The following IL1RAPL2 variants were observed in gnomAD, a reference collection of about 807,000 sequenced individuals.
IL1RAPL2 encodes the protein X-linked interleukin-1 receptor accessory protein-like 2.
In IL1RAPL2, 3 loss-of-function variants were observed where a neutral mutation model predicts 44.1. The ratio of observed to expected loss-of-function variants is 0.07; its 90% CI spans 0.03 to 0.18. The LOEUF (loss-of-function observed/expected upper bound fraction) is 0.18, where lower values mean the gene tolerates loss of function less well. IL1RAPL2 is among the 10% of genes least tolerant of loss of function. The pLI, the probability that IL1RAPL2 is intolerant of heterozygous loss-of-function variation, is 1.00. For synonymous variants in IL1RAPL2, 181 were observed against 178.8 expected (o/e 1.01, Z -0.10); for missense variants, 391 against 496.4 (o/e 0.79, Z 2.02).
At chrX:105,100,018 C>T (rs879248228) in intron 2 of IL1RAPL2, among the ~76,000 whole-genome samples, 4 of 111,098 alleles carry the variant, frequency 3.6e-5, no homozygotes, top group Non-Finnish European at 7.5e-5. Context: ...ATTCATGGTA[C>T]AGTACAATAA....
intron 1 of IL1RAPL2, among the ~76,000 whole-genome samples, chrX:104,582,715 TTCTTTCTC>T (rs1179707839): frequency 1.0e-5 from 1 of 95,961 alleles, no homozygotes; most frequent in African/African-American, 4.0e-5. Flanking sequence ...CTTTATTTCT[TTCTTTCTC>T]TCTCTCTCCC....
chrX:105,653,943 TTG>T (rs956918547), intron 6 of IL1RAPL2, among the ~76,000 whole-genome samples: 2 of 110,282 alleles, frequency 1.8e-5, no homozygotes, highest in African/African-American at 6.6e-5. Context: ...CAAAGTGTGG[TTG>T]TGTGTGTGTG....
intron 1 of IL1RAPL2, among the ~76,000 whole-genome samples, chrX:104,610,861 C>T (rs1929139964): frequency 8.9e-6 from 1 of 111,981 alleles, no homozygotes; most frequent in Admixed American, 9.5e-5. Flanking sequence ...AGGCATCACG[C>T]TACCTAACTT....
rs2035966484 is a variant in IL1RAPL2, at chrX:105,447,178, TATAAATATAA to T, written c.698-37131_698-37122del. On this transcript the variant is annotated intron_variant, in intron 5 of 10. Transcript: ENST00000372582. ...AAATATAAATATATATAAATATATA[TATAAATATAA>T]ATATATATAAATATATATAAATATA... Among the ~76,000 whole-genome samples the T allele has an allele frequency of 5.5e-3, 156 of 28,266 alleles. 6 individuals are homozygous for T. Among genetic ancestry groups the T allele is most frequent in the African/African-American group, 0.04 (143 of 3,563 alleles). The allele number at this position is 28,266 out of a possible 115,157, so 24.5% of individuals were successfully genotyped here. A position where few individuals can be genotyped will look rare whatever the true frequency, so the allele number is the denominator to read the frequency against.
chrX:105,090,611 A>C (rs74937184), intron 2 of IL1RAPL2, among the ~76,000 whole-genome samples: 1 of 112,272 alleles, frequency 8.9e-6, no homozygotes, highest in African/African-American at 3.2e-5. Context: ...GGTTACCTCA[A>C]CTTCTCTTAG....
At chrX:105,286,982 C>T (rs2034577139) in intron 5 of IL1RAPL2, among the ~76,000 whole-genome samples, 1 of 111,798 alleles carries the variant, frequency 8.9e-6, no homozygotes, top group East Asian at 2.8e-4. Flanking sequence ...ATATGATAAG[C>T]GTTGTGCTAA....
intron 2 of IL1RAPL2, among the ~76,000 whole-genome samples, chrX:105,012,922 C>T (rs1442687782): frequency 9.1e-6 from 1 of 109,974 alleles, no homozygotes; most frequent in Non-Finnish European, 1.9e-5. Context: ...TATCAGTGTG[C>T]CAAGTGAAAA....
chrX:105,276,933 C>T (rs1382741561), intron 5 of IL1RAPL2, among the ~76,000 whole-genome samples: 1 of 111,637 alleles, frequency 9.0e-6, no homozygotes, highest in Non-Finnish European at 1.9e-5. Flanking sequence ...GTAGACTAGT[C>T]GATCCAACAA....
intron 6 of IL1RAPL2, among the ~76,000 whole-genome samples, chrX:105,554,100 A>G (rs1302589404): frequency 8.9e-6 from 1 of 112,378 alleles, no homozygotes; most frequent in Non-Finnish European, 1.9e-5. Context: ...TCCAGGGCCT[A>G]TTCATATTTC....
chrX:105,733,536 T>A (rs1179247844), intron 7 of IL1RAPL2, among the ~76,000 whole-genome samples: 1 of 111,526 alleles, frequency 9.0e-6, no homozygotes. Flanking sequence ...TCTTGGACAT[T>A]TTTTACATTA....
chrX:105,028,184 T>C (rs1425132048), intron 2 of IL1RAPL2, among the ~76,000 whole-genome samples: 1 of 109,876 alleles, frequency 9.1e-6, no homozygotes. Flanking sequence ...CTGGGAAGGG[T>C]GGTGGAGAGC....
rs2037693045 is a variant in IL1RAPL2, at chrX:105,658,561, A to C, written c.773-58806A>C. Among the ~76,000 whole-genome samples, 4 of 111,774 alleles carry C rather than the reference A, an allele frequency of 3.6e-5. No individual in the cohort carries two copies. The Admixed American group carries it at 3.8e-4, about 11-fold the overall frequency. On this transcript the variant is annotated intron_variant, in intron 6 of 10. Transcript: ENST00000372582. ...CCCCAGAGGATAGGCACAGTGGCTC[A>C]CACCTGTAATCCCAGCAATTTGGGA... is the stretch of plus-strand genomic sequence containing the variant.
rs1232963511 is a variant in IL1RAPL2, at chrX:105,122,656, A to C, written c.83-72819A>C. ...ATAATACATGGTATCTTATTTATAA[A>C]TAAAAATCCAGATGGAATTTCTTAG... is the stretch of plus-strand genomic sequence containing the variant. On this transcript the variant is annotated intron_variant, in intron 2 of 10. Coordinates refer to ENST00000372582, the MANE Select transcript of IL1RAPL2 (RefSeq NM_017416.2). Among the ~76,000 whole-genome samples, 3 of 111,986 alleles carry C rather than the reference A, an allele frequency of 2.7e-5. No individual in the cohort carries two copies. The Admixed American group carries it at 2.8e-4, about 11-fold the overall frequency.
At chrX:105,125,422 A>C (rs1268801056) in intron 2 of IL1RAPL2, among the ~76,000 whole-genome samples, 1 of 110,617 alleles carries the variant, frequency 9.0e-6, no homozygotes, top group African/African-American at 3.3e-5. Context: ...TCACGTGCTA[A>C]CTCTTTACTA....
intron 2 of IL1RAPL2, among the ~76,000 whole-genome samples, chrX:105,189,666 A>T (rs1451638413): frequency 8.9e-6 from 1 of 112,251 alleles, no homozygotes; most frequent in Non-Finnish European, 1.9e-5. Flanking sequence ...CGTCAAGAAC[A>T]TGAATTATTA....
chrX:105,269,500 T>A (rs927317481), intron 5 of IL1RAPL2, among the ~76,000 whole-genome samples: 3 of 111,613 alleles, frequency 2.7e-5, no homozygotes, highest in Non-Finnish European at 5.6e-5. Context: ...TCTATGAAAG[T>A]TTAAAAATTC....
intron 2 of IL1RAPL2, among the ~76,000 whole-genome samples, chrX:104,831,482 G>T (rs192324482): frequency 9.0e-6 from 1 of 111,550 alleles, no homozygotes; most frequent in African/African-American, 3.2e-5. Flanking sequence ...GGGAGGTTAA[G>T]TAACTTGCCC....
rs762347903 is a variant in IL1RAPL2, at chrX:105,645,091, GA to G, written c.773-72273del. The stretch of plus-strand genomic sequence containing the variant: ...CTTTTCCATCACACCTGTAGCTTCA[GA>G]AACAATTCTCAGGTTTGATGTTTGT... On this transcript the variant is annotated intron_variant, in intron 6 of 10. Transcript: ENST00000372582. 3.6e-5 allele frequency among the ~76,000 whole-genome samples: 4 copies of G among 111,941 alleles called. No individual in the cohort carries two copies. The South Asian group carries it at 1.5e-3, about 42-fold the overall frequency.
intron 5 of IL1RAPL2, among the ~76,000 whole-genome samples, chrX:105,482,080 T>C (rs1257734728): frequency 5.3e-5 from 6 of 112,565 alleles, no homozygotes; most frequent in Non-Finnish European, 9.4e-5. Context: ...TTAAACAGTA[T>C]GTCTTGGAAA....
Sources: gnomAD v4.1 joint callset for allele counts (sites outside exome capture counted in the v4.1 genomes callset) on GRCh38, gnomAD v4.1.1 for gene constraint, MANE v1.5 for transcripts, NCBI Gene and HGNC (gene_info 2026-07-23, HGNC 2026-07-21) for gene names.